DCC: variants seen among roughly 807,000 people sequenced by gnomAD.
DCC encodes the protein netrin receptor DCC.
In DCC, 58 loss-of-function variants were observed where a neutral mutation model predicts 172.5. The ratio of observed to expected loss-of-function variants is 0.34; its 90% CI spans 0.27 to 0.42. The LOEUF is 0.42. DCC is among the 10% of genes least tolerant of loss of function. The probability of loss-of-function intolerance (pLI) is 1.00; values close to 1 mark genes in which losing one functional copy is unlikely to be tolerated. For synonymous variants in DCC, 709 were observed against 644.5 expected (o/e 1.10, Z -1.52); for missense variants, 1,740 against 1,791.0 (o/e 0.97, Z 0.51).
intron 27 of DCC, among the ~76,000 whole-genome samples, chr18:53,518,479 C>A (rs879688089): frequency 2.0e-5 from 3 of 152,094 alleles, no homozygotes; most frequent in Non-Finnish European, 2.9e-5. Context: ...CCTGGCAGTC[C>A]TATGTTATGT....
intron 13 of DCC, among the ~76,000 whole-genome samples, chr18:53,306,501 A>G (rs929290576): frequency 6.6e-6 from 1 of 152,086 alleles, no homozygotes. Flanking sequence ...CGGGGCAAAC[A>G]CAGCACTTGC....
intron 2 of DCC, among the ~76,000 whole-genome samples, chr18:52,897,130 C>T (rs976002383): frequency 2.0e-5 from 3 of 152,154 alleles, no homozygotes; most frequent in Non-Finnish European, 2.9e-5. Context: ...TTATAGGAGT[C>T]CCCAAATGGC....
intron 2 of DCC, among the ~76,000 whole-genome samples, chr18:52,896,245 T>C (rs1208101781): frequency 2.6e-5 from 4 of 152,206 alleles, no homozygotes; most frequent in Non-Finnish European, 5.9e-5. Flanking sequence ...TTTTAATTAC[T>C]AGTGAATATT....
chr18:52,957,559 G>C (rs889948031), intron 5 of DCC, among the ~76,000 whole-genome samples: 2 of 152,048 alleles, frequency 1.3e-5, no homozygotes, highest in Admixed American at 6.6e-5. Flanking sequence ...GCATTTTATA[G>C]ACATATTTTC....
intron 13 of DCC, among the ~76,000 whole-genome samples, chr18:53,313,339 G>A (rs578143156): frequency 1.3e-5 from 2 of 152,134 alleles, no homozygotes; most frequent in Non-Finnish European, 2.9e-5. Context: ...TCCGCGTCTC[G>A]GGTACAAGTG....
chr18:53,110,282 T>C (rs1373324871), intron 7 of DCC, among the ~76,000 whole-genome samples: 1 of 151,750 alleles, frequency 6.6e-6, no homozygotes, highest in Non-Finnish European at 1.5e-5. Context: ...GTTAAATGTG[T>C]TGACAGATAG....
rs191530038 is a variant in DCC, at chr18:52,366,284, C to T, written c.91+25406C>T. On this transcript the variant is annotated intron_variant, in intron 1 of 28. Coordinates refer to ENST00000442544, the MANE Select transcript of DCC (RefSeq NM_005215.4). ...TGAGTGTTACAGCTCTTAAAAGCAG[C>T]GTGGACCCAAACAGTGAGCAGTAGC... Among the ~76,000 whole-genome samples, 18 of 151,586 alleles carry T rather than the reference C, an allele frequency of 1.2e-4. 1 individual carries two copies. The highest frequency in any genetic ancestry group is 2.6e-4 in the Admixed American group (4 of 15,232).
At chr18:53,426,217 A>C (rs1267918248) in intron 21 of DCC, among the ~76,000 whole-genome samples, 1 of 148,032 alleles carries the variant, frequency 6.8e-6, no homozygotes, top group Non-Finnish European at 1.5e-5. Flanking sequence ...GTGTTTCTTA[A>C]AATATATATG....
intron 1 of DCC, among the ~76,000 whole-genome samples, chr18:52,671,020 GT>G (rs2035542467): frequency 6.6e-6 from 1 of 152,150 alleles, no homozygotes; most frequent in Non-Finnish European, 1.5e-5. Context: ...TGACATCGGA[GT>G]TTTTTCCCCT....
At chr18:52,616,946 A>G (rs894091575) in intron 1 of DCC, among the ~76,000 whole-genome samples, 9 of 152,208 alleles carry the variant, frequency 5.9e-5, no homozygotes, top group Admixed American at 3.9e-4. Flanking sequence ...AATTTGCAAG[A>G]GAGGAGACAA....
chr18:52,891,514 C>A (rs1017609442), intron 2 of DCC, among the ~76,000 whole-genome samples: 2 of 152,036 alleles, frequency 1.3e-5, no homozygotes, highest in Non-Finnish European at 2.9e-5. Flanking sequence ...ACCTCTCTAA[C>A]CTTTTTCATT....
chr18:52,892,423 A>G (rs1455975163), intron 2 of DCC: 4 of 152,096 alleles, frequency 2.6e-5, no homozygotes, highest in African/African-American at 9.7e-5. Flanking sequence ...GTGTCATGTG[A>G]TATAACTGGA....
At chr18:53,423,919 T>G (rs1055986584) in intron 21 of DCC, among the ~76,000 whole-genome samples, 1 of 152,174 alleles carries the variant, frequency 6.6e-6, no homozygotes, top group Non-Finnish European at 1.5e-5. Flanking sequence ...AGTTTTACCA[T>G]TGAATGAAAA....
chr18:52,956,394 GCTTT>G (rs952825313), intron 5 of DCC, among the ~76,000 whole-genome samples: 16 of 151,970 alleles, frequency 1.1e-4, no homozygotes, highest in African/African-American at 3.6e-4. Flanking sequence ...TTTGAAAATA[GCTTT>G]CTATTTCTGA....
At chr18:52,487,529 G>A (rs1184084847) in intron 1 of DCC, among the ~76,000 whole-genome samples, 1 of 152,112 alleles carries the variant, frequency 6.6e-6, no homozygotes, top group Non-Finnish European at 1.5e-5. Flanking sequence ...AGAGGAAGTA[G>A]ACCGGGCACG....
intron 1 of DCC, among the ~76,000 whole-genome samples, chr18:52,485,930 G>C (rs960878353): frequency 1.3e-5 from 2 of 151,846 alleles, no homozygotes; most frequent in Non-Finnish European, 2.9e-5. Flanking sequence ...GATAAAAAAA[G>C]CATGCAGAAA....
At chr18:53,403,074 GCACACACACACACA>G (rs3059148) in intron 19 of DCC, among the ~76,000 whole-genome samples, 181 bp downstream of exon 19, 11,525 of 145,848 alleles carry the variant, frequency 0.079, 543 homozygotes, top group East Asian at 0.21. Flanking sequence ...TTCTAATGGT[GCACACACACACACA>G]CACACACACA....
chr18:52,855,763 C>CT (rs71175526), intron 2 of DCC, among the ~76,000 whole-genome samples: 21,471 of 120,922 alleles, frequency 0.18, 2,657 homozygotes, highest in East Asian at 0.49. Flanking sequence ...CGTATAAATT[C>CT]TTTTTTTTTT....
At chr18:53,525,408 C>T (rs1248027835) in intron 27 of DCC, among the ~76,000 whole-genome samples, 1 of 152,040 alleles carries the variant, frequency 6.6e-6, no homozygotes, top group East Asian at 1.9e-4. Flanking sequence ...TGATAAATCA[C>T]TCAAATTGCA....
Sources: gnomAD v4.1 joint callset for allele counts (sites outside exome capture counted in the v4.1 genomes callset) on GRCh38, gnomAD v4.1.1 for gene constraint, MANE v1.5 for transcripts, NCBI Gene and HGNC (gene_info 2026-07-23, HGNC 2026-07-21) for gene names.